Variants in SGIP1 observed in about 807,000 individuals in gnomAD.
SGIP1 encodes SH3-containing GRB2-like protein 3-interacting protein 1.
Under a neutral mutation model 107.5 loss-of-function variants are expected in SGIP1, and 38 were observed. The observed-to-expected ratio is 0.35, with a 90% CI of 0.27 to 0.46. SGIP1 has a LOEUF of 0.46. SGIP1 is among the 20% of genes least tolerant of loss of function. The pLI, the probability that SGIP1 is intolerant of heterozygous loss-of-function variation, is 1.00. For synonymous variants in SGIP1, 365 were observed against 366.1 expected (o/e 1.00, Z 0.03); for missense variants, 929 against 1,019.5 (o/e 0.91, Z 1.21).
chr1:66,675,515 CGTT>C (rs2084993777), intron 12 of SGIP1, among the ~76,000 whole-genome samples: 1 of 128,466 alleles, frequency 7.8e-6, no homozygotes, highest in South Asian at 2.6e-4. Flanking sequence ...CTTTCTTTTT[CGTT>C]GTTTTTCTTT....
intron 1 of SGIP1, among the ~76,000 whole-genome samples, chr1:66,542,566 G>A (rs539962891): frequency 1.1e-4 from 16 of 152,294 alleles, no homozygotes; most frequent in East Asian, 1.9e-4. Flanking sequence ...TGTAGACAGC[G>A]TGGATACACT....
chr1:66,742,010 C>T (rs1411368047), intron 24 of SGIP1, among the ~76,000 whole-genome samples: 1 of 152,160 alleles, frequency 6.6e-6, no homozygotes, highest in Non-Finnish European at 1.5e-5. Flanking sequence ...TCGTGATCCG[C>T]CTGCCTCGGC....
intron 7 of SGIP1, among the ~76,000 whole-genome samples, chr1:66,646,201 A>G (rs1271967385): frequency 2.6e-5 from 4 of 152,146 alleles, no homozygotes; most frequent in Non-Finnish European, 5.9e-5. Flanking sequence ...AGATAAGCAG[A>G]AATAACCTAA....
At chr1:66,679,578 C>G in intron 13 of SGIP1, 100 bp from the exon 14 acceptor site, 1 of 1,229,092 alleles carries the variant, frequency 8.1e-7, no homozygotes, top group East Asian at 2.7e-5. Flanking sequence ...TTTCCAATAG[C>G]AGGAATATAA....
intron 10 of SGIP1, 103 bp from the exon 11 acceptor site, chr1:66,671,841 A>T (rs554307346): frequency 1.8e-6 from 2 of 1,092,070 alleles, no homozygotes; most frequent in South Asian, 2.8e-5. Context: ...TGAGTTGCTT[A>T]TTGATGGGAC....
At chr1:66,565,158 C>T (rs1360323902) in intron 1 of SGIP1, among the ~76,000 whole-genome samples, 1 of 151,964 alleles carries the variant, frequency 6.6e-6, no homozygotes, top group Non-Finnish European at 1.5e-5. Context: ...TGGGGAAAAA[C>T]GTTTCTGCTA....
intron 15 of SGIP1, among the ~76,000 whole-genome samples, chr1:66,683,700 C>CTTTTT (rs869266510): frequency 0.034 from 2,077 of 61,474 alleles, 13 homozygotes; most frequent in Middle Eastern, 0.062. Flanking sequence ...TGTTTCTTTT[C>CTTTTT]TTTTTTTTTT....
intron 7 of SGIP1, among the ~76,000 whole-genome samples, chr1:66,653,815 G>A (rs2079186597): frequency 6.6e-6 from 1 of 152,178 alleles, no homozygotes. Flanking sequence ...GGTCTGCCTT[G>A]ATGTTAAATG....
At chr1:66,551,057 A>G (rs1234345059) in intron 1 of SGIP1, among the ~76,000 whole-genome samples, 2 of 152,198 alleles carry the variant, frequency 1.3e-5, no homozygotes, top group Non-Finnish European at 2.9e-5. Context: ...TGTTCCTATT[A>G]CATAGATGAG....
rs554918279 is a variant in SGIP1, at chr1:66,730,791, G to A, written c.1898+1372G>A. ...AATCCTTTTAGCTCCAGCCAGACCT[G>A]CCAATCTCAGAAACAGGCTGCATCC... On this transcript the variant is annotated intron_variant, in intron 20 of 24. Coordinates refer to ENST00000371037, the MANE Select transcript of SGIP1 (RefSeq NM_032291.4). Among the ~76,000 whole-genome samples the A allele has an allele frequency of 5.3e-5, 8 of 152,262 alleles. No homozygotes were observed. In the South Asian group the frequency reaches 1.7e-3, roughly 32 times the overall value.
chr1:66,587,080 A>G (rs1317612507), intron 1 of SGIP1, among the ~76,000 whole-genome samples: 2 of 152,080 alleles, frequency 1.3e-5, no homozygotes, highest in Admixed American at 6.5e-5. Context: ...TTTCTTTCCT[A>G]CAATTATCAT....
chr1:66,544,915 A>G (rs1380088178), intron 1 of SGIP1, among the ~76,000 whole-genome samples: 1 of 152,160 alleles, frequency 6.6e-6, no homozygotes, highest in Non-Finnish European at 1.5e-5. Context: ...CTTCTTGTGC[A>G]CTAATTTGAA....
chr1:66,723,887 T>C (rs905230661), intron 19 of SGIP1, among the ~76,000 whole-genome samples: 1 of 152,202 alleles, frequency 6.6e-6, no homozygotes, highest in African/African-American at 2.4e-5. Flanking sequence ...GAAAAAGATC[T>C]GTACCTATCT....
At chr1:66,659,930 GAGAGAAAGAA>G (rs2080575349) in intron 7 of SGIP1, among the ~76,000 whole-genome samples, 3 of 104,322 alleles carry the variant, frequency 2.9e-5, no homozygotes, top group African/African-American at 1.1e-4. Flanking sequence ...AAGAGAAAAA[GAGAGAAAGAA>G]AAAGAAAGAA....
chr1:66,567,696 G>C (rs1276741548), intron 1 of SGIP1, among the ~76,000 whole-genome samples: 1 of 152,070 alleles, frequency 6.6e-6, no homozygotes, highest in Non-Finnish European at 1.5e-5. Context: ...TGTAAGGAAG[G>C]GGTCTGGTTT....
intron 24 of SGIP1, among the ~76,000 whole-genome samples, chr1:66,742,456 C>CTTCCTTTTTTTTTTTTTTTTTTT (rs2094477157): frequency 1.6e-5 from 1 of 64,136 alleles, no homozygotes; most frequent in African/African-American, 5.5e-5. Flanking sequence ...TATGAGCACC[C>CTTCCTTTTTTTTTTTTTTTTTTT]TTTCTTTTTT....
chr1:66,538,050 T>C (rs2147990315), intron 1 of SGIP1, among the ~76,000 whole-genome samples: 1 of 152,314 alleles, frequency 6.6e-6, no homozygotes, highest in Middle Eastern at 3.4e-3. Context: ...TTCTTATTAA[T>C]GCCTTTTATG....
intron 4 of SGIP1, among the ~76,000 whole-genome samples, chr1:66,637,528 T>C (rs1329158985): frequency 6.6e-6 from 1 of 151,558 alleles, no homozygotes; most frequent in Non-Finnish European, 1.5e-5. Context: ...TTATGATTTG[T>C]TGTTTGTTTT....
rs1572534625 is a variant in SGIP1 at position 66,749,446 on chromosome 1, T to A, written c.*6351T>A. ...TTTTAATGAGCATTTCATAGGGTTT[T>A]TTTTTTGCTGTTTTTTTTTCTTTTT... is the stretch of plus-strand genomic sequence containing the variant. On this transcript the variant is annotated 3_prime_UTR_variant, in exon 25 of 25. Transcript: ENST00000371037. 6.6e-6 allele frequency among the ~76,000 whole-genome samples: 1 copy of A among 151,904 alleles called. No individual in the cohort carries two copies. Among genetic ancestry groups the A allele is most frequent in the East Asian group, 1.9e-4 (1 of 5,190 alleles).
Sources: gnomAD v4.1 joint callset for allele counts (sites outside exome capture counted in the v4.1 genomes callset) on GRCh38, gnomAD v4.1.1 for gene constraint, MANE v1.5 for transcripts, NCBI Gene and HGNC (gene_info 2026-07-23, HGNC 2026-07-21) for gene names.